Variants in CDKAL1 observed in about 807,000 individuals in gnomAD.
CDKAL1 encodes the protein CDKAL1 threonylcarbamoyladenosine tRNA methylthiotransferase, also known as threonylcarbamoyladenosine tRNA methylthiotransferase.
A neutral mutation model predicts 68.2 loss-of-function variants in CDKAL1; 32 were observed. That is an observed-to-expected ratio of 0.47 (90% CI 0.35 to 0.63). The LOEUF (loss-of-function observed/expected upper bound fraction) is 0.63, where lower values mean the gene tolerates loss of function less well. Among genes scored for constraint, CDKAL1 ranks in the 30% least tolerant of loss-of-function variants. The pLI is 0.00. For missense variants in CDKAL1, 606 were observed against 696.7 expected (o/e 0.87, Z 1.47); for synonymous variants, 234 against 244.3 (o/e 0.96, Z 0.39).
At position 20,917,509 on chromosome 6, in the gene CDKAL1, C is replaced by T. The variant is rs548569083; in HGVS notation, c.743-37910C>T. On this transcript the variant is annotated intron_variant, in intron 9 of 15. Coordinates refer to ENST00000274695, the MANE Select transcript of CDKAL1 (RefSeq NM_017774.3). ...ATTGCTTATGGTTATATTTATATCA[C>T]ACATTTTTCTTTTTTATTTCAGTAG... Among the ~76,000 whole-genome samples the T allele has an allele frequency of 5.9e-5, 9 of 152,190 alleles. 1 individual carries two copies. In the South Asian group the frequency reaches 1.9e-3, roughly 32 times the overall value.
At chr6:21,183,901 T>A (rs545339180) in intron 13 of CDKAL1, among the ~76,000 whole-genome samples, 29 of 152,238 alleles carry the variant, frequency 1.9e-4, no homozygotes, top group Non-Finnish European at 3.7e-4. Context: ...ACCCCTCCTC[T>A]TGGCCGGGGG....
At chr6:20,749,838 C>T (rs539960645) in intron 6 of CDKAL1, among the ~76,000 whole-genome samples, 14 of 152,092 alleles carry the variant, frequency 9.2e-5, no homozygotes, top group South Asian at 2.1e-4. Flanking sequence ...TGAGCCACCA[C>T]GCCCAGCCCC....
At chr6:20,685,528 T>G (rs1245348923) in intron 5 of CDKAL1, among the ~76,000 whole-genome samples, 2 of 152,190 alleles carry the variant, frequency 1.3e-5, no homozygotes, top group African/African-American at 4.8e-5. Context: ...TTTGTTGATA[T>G]CCACAAAATA....
intron 9 of CDKAL1, among the ~76,000 whole-genome samples, chr6:20,911,253 A>G (rs1010806726): frequency 1.3e-5 from 2 of 152,190 alleles, no homozygotes; most frequent in African/African-American, 4.8e-5. Flanking sequence ...GGTATAGTCA[A>G]ATAGTAGCTA....
intron 12 of CDKAL1, among the ~76,000 whole-genome samples, chr6:21,101,640 C>T (rs1304378205): frequency 6.6e-6 from 1 of 152,130 alleles, no homozygotes; most frequent in Non-Finnish European, 1.5e-5. Flanking sequence ...TTACATGTAA[C>T]TTCCTTCTTA....
chr6:20,803,009 A>G (rs974113580), intron 8 of CDKAL1, among the ~76,000 whole-genome samples: 2 of 152,218 alleles, frequency 1.3e-5, no homozygotes, highest in African/African-American at 4.8e-5. Flanking sequence ...CTTGACCTAC[A>G]AGGAACTGAC....
chr6:21,186,349 A>G (rs1222999102), intron 13 of CDKAL1, among the ~76,000 whole-genome samples: 1 of 152,180 alleles, frequency 6.6e-6, no homozygotes, highest in African/African-American at 2.4e-5. Context: ...TGTAAGATTT[A>G]TCTTACCAAA....
chr6:21,160,510 C>A (rs772189970), intron 13 of CDKAL1, among the ~76,000 whole-genome samples: 21 of 150,474 alleles, frequency 1.4e-4, no homozygotes, highest in Admixed American at 5.3e-4. Context: ...GTTGGTCAGG[C>A]TGGTCTCGAA....
At chr6:20,678,323 T>G (rs73732737) in intron 5 of CDKAL1, among the ~76,000 whole-genome samples, 15,097 of 152,220 alleles carry the variant, frequency 0.099, 2,411 homozygotes, top group African/African-American at 0.34. Flanking sequence ...CTTTTCATAT[T>G]TATTCAATTT....
chr6:21,064,920 C>T (rs1281228437), intron 11 of CDKAL1, 128 bp from the exon 12 acceptor site: 3 of 562,636 alleles, frequency 5.3e-6, no homozygotes, highest in Non-Finnish European at 8.6e-6. Flanking sequence ...CTCTTTGAAA[C>T]TATTTGCACG....
At chr6:20,613,101 C>T (rs974569285) in intron 4 of CDKAL1, among the ~76,000 whole-genome samples, 1 of 150,372 alleles carries the variant, frequency 6.7e-6, no homozygotes, top group Non-Finnish European at 1.5e-5. Flanking sequence ...TATATACATA[C>T]ATAATGTTTT....
In CDKAL1 at chr6:21,075,850, TTGA is replaced by T. The variant is rs1772041955; in HGVS notation, c.1236+10629_1236+10631del. Among the ~76,000 whole-genome samples the T allele has an allele frequency of 5.3e-5, 8 of 152,296 alleles. No individual in the cohort carries two copies. The South Asian group carries it at 1.7e-3, about 32-fold the overall frequency. ...TCCAGACTTTGCTTTTTAGAAAATA[TTGA>T]TGATGAATAATGAAATTATTGTGAA... On this transcript the variant is annotated intron_variant, in intron 12 of 15. Coordinates refer to ENST00000274695, the MANE Select transcript of CDKAL1 (RefSeq NM_017774.3).
intron 9 of CDKAL1, among the ~76,000 whole-genome samples, chr6:20,943,182 T>C (rs934205472): frequency 4.0e-5 from 6 of 150,954 alleles, no homozygotes; most frequent in Non-Finnish European, 7.4e-5. Context: ...AGTGTTTCAG[T>C]CTTTTGAGGT....
intron 4 of CDKAL1, among the ~76,000 whole-genome samples, chr6:20,573,845 T>C (rs958474227): frequency 6.6e-6 from 1 of 152,180 alleles, no homozygotes; most frequent in Non-Finnish European, 1.5e-5. Context: ...CCCACTGCTC[T>C]TCCAGTAGTA....
intron 13 of CDKAL1, among the ~76,000 whole-genome samples, chr6:21,191,988 T>TTTTC (rs1778260950): frequency 8.8e-6 from 1 of 114,096 alleles, no homozygotes; most frequent in East Asian, 2.3e-4. Flanking sequence ...TATAATTCAT[T>TTTTC]TTTCTTTTTT....
At chr6:20,810,445 C>CACACAT (rs1259567599) in intron 8 of CDKAL1, among the ~76,000 whole-genome samples, 1 of 126,854 alleles carries the variant, frequency 7.9e-6, no homozygotes, top group Non-Finnish European at 1.6e-5. Flanking sequence ...CACACACACA[C>CACACAT]GTGGTGTCAT....
chr6:21,166,154 A>C (rs1215287397), intron 13 of CDKAL1, among the ~76,000 whole-genome samples: 2 of 152,148 alleles, frequency 1.3e-5, no homozygotes, highest in Non-Finnish European at 2.9e-5. Flanking sequence ...TTGACCTGAT[A>C]ATTAAATTGG....
At chr6:20,986,137 G>A (rs1426858071) in intron 10 of CDKAL1, among the ~76,000 whole-genome samples, 1 of 152,096 alleles carries the variant, frequency 6.6e-6, no homozygotes, top group East Asian at 1.9e-4. Context: ...ATCCCCTTGA[G>A]TCTAAGTGCT....
chr6:20,668,867 T>C (rs1208760574), intron 5 of CDKAL1, among the ~76,000 whole-genome samples: 1 of 152,226 alleles, frequency 6.6e-6, no homozygotes, highest in Non-Finnish European at 1.5e-5. Context: ...TACTTGTCAG[T>C]TGTGTTATAG....
Sources: gnomAD v4.1 joint callset for allele counts (sites outside exome capture counted in the v4.1 genomes callset) on GRCh38, gnomAD v4.1.1 for gene constraint, MANE v1.5 for transcripts, NCBI Gene and HGNC (gene_info 2026-07-23, HGNC 2026-07-21) for gene names.